NAALADL2: variants seen among roughly 807,000 people sequenced by gnomAD.
The protein encoded by NAALADL2 is inactive N-acetylated-alpha-linked acidic dipeptidase-like protein 2.
A neutral mutation model predicts 87.2 loss-of-function variants in NAALADL2; 76 were observed. That is an observed-to-expected ratio of 0.87 (90% CI 0.72 to 1.05). The LOEUF is 1.05. Ranked by LOEUF, NAALADL2 falls within the 50% of genes least tolerant of loss-of-function variation. The pLI is 0.00. For synonymous variants in NAALADL2, 354 were observed against 331.0 expected (o/e 1.07, Z -0.75); for missense variants, 1,089 against 945.8 (o/e 1.15, Z -1.99).
In NAALADL2 at chr3:175,748,392, G is replaced by A. The variant is rs140250517; in HGVS notation, c.1991-6828G>A. On this transcript the variant is annotated intron_variant, in intron 12 of 13. Coordinates refer to ENST00000454872, the MANE Select transcript of NAALADL2 (RefSeq NM_207015.3). Reference sequence around the variant, plus strand: ...TTATTTTCTTTAGTGATACCACAAGGTGTTTTTAAGATGACATTAGGTAAT... The same window carrying A: ...TTATTTTCTTTAGTGATACCACAAGATGTTTTTAAGATGACATTAGGTAAT... Among the ~76,000 whole-genome samples the A allele has an allele frequency of 2.3e-3, 356 of 152,296 alleles. 2 individuals carry two copies. Among genetic ancestry groups the A allele is most frequent in the African/African-American group, 8.3e-3 (346 of 41,556 alleles).
chr3:175,692,685 G>T (rs1321766680), intron 11 of NAALADL2, among the ~76,000 whole-genome samples: 1 of 152,194 alleles, frequency 6.6e-6, no homozygotes, highest in Non-Finnish European at 1.5e-5. Flanking sequence ...TGGCCACAAA[G>T]AGAAGTCAAG....
At chr3:175,508,354 C>A (rs1360974478) in intron 9 of NAALADL2, among the ~76,000 whole-genome samples, 1 of 152,166 alleles carries the variant, frequency 6.6e-6, no homozygotes, top group East Asian at 1.9e-4. Context: ...ACCATCAACA[C>A]CCCAGGTCAC....
intron 1 of NAALADL2, among the ~76,000 whole-genome samples, chr3:175,090,755 A>G (rs1471160393): frequency 6.6e-6 from 1 of 152,144 alleles, no homozygotes; most frequent in Admixed American, 6.6e-5. Context: ...TACTCATTTT[A>G]GAGTAGGCAC....
chr3:175,785,221 T>G (rs866133001), intron 13 of NAALADL2, among the ~76,000 whole-genome samples: 1 of 146,112 alleles, frequency 6.8e-6, no homozygotes, highest in South Asian at 2.1e-4. Context: ...CTATTAGGTC[T>G]GCTTGGTGCA....
intron 1 of NAALADL2, among the ~76,000 whole-genome samples, chr3:174,962,371 C>CATAT (rs140830010): frequency 0.025 from 1,858 of 75,666 alleles, 142 homozygotes; most frequent in African/African-American, 0.085. Context: ...GTGACTATGA[C>CATAT]ATATATATAT....
intron 2 of NAALADL2, among the ~76,000 whole-genome samples, chr3:175,141,891 T>C (rs1262076314): frequency 1.3e-5 from 2 of 152,056 alleles, no homozygotes; most frequent in African/African-American, 4.8e-5. Flanking sequence ...TGGATGAAGA[T>C]GTAATTTGGA....
intron 5 of NAALADL2, among the ~76,000 whole-genome samples, chr3:175,372,111 T>C (rs1766578406): frequency 6.6e-6 from 1 of 152,198 alleles, no homozygotes; most frequent in Non-Finnish European, 1.5e-5. Context: ...TTTTTTCCAC[T>C]GCTTCCTAGG....
intron 2 of NAALADL2, among the ~76,000 whole-genome samples, chr3:174,638,597 A>T (rs986385699): frequency 9.2e-5 from 14 of 152,080 alleles, no homozygotes; most frequent in South Asian, 2.1e-4. Flanking sequence ...TTTTTTTTTA[A>T]AAAAAACTTG....
chr3:175,142,076 G>A (rs928121081), intron 2 of NAALADL2, among the ~76,000 whole-genome samples: 3 of 152,020 alleles, frequency 2.0e-5, no homozygotes, highest in Non-Finnish European at 4.4e-5. Context: ...TCGACCTCAT[G>A]CCCAGCACAA....
intron 4 of NAALADL2, 140 bp from the exon 5 acceptor site, chr3:175,324,035 A>AAAAC (rs1760341235): frequency 5.7e-5 from 37 of 649,472 alleles, no homozygotes; most frequent in African/African-American, 5.3e-4. Context: ...AAACAAAAAA[A>AAAAC]AAAAAAAAGA....
At chr3:174,811,759 G>A (rs1720238419) in intron 3 of NAALADL2, among the ~76,000 whole-genome samples, 1 of 152,102 alleles carries the variant, frequency 6.6e-6, no homozygotes, top group South Asian at 2.1e-4. Flanking sequence ...GAGGGGCCAG[G>A]TGCAGAATGG....
At chr3:174,840,310 A>G (rs1723875160) in intron 3 of NAALADL2, among the ~76,000 whole-genome samples, 1 of 152,012 alleles carries the variant, frequency 6.6e-6, no homozygotes, top group Non-Finnish European at 1.5e-5. Context: ...CTATTATCAA[A>G]TATTTATTGA....
intron 1 of NAALADL2, among the ~76,000 whole-genome samples, chr3:174,867,278 C>T (rs1458045609): frequency 4.6e-5 from 7 of 151,932 alleles, no homozygotes; most frequent in Admixed American, 3.9e-4. Context: ...CAAGCTGATC[C>T]GCTATTAACA....
At chr3:174,481,855 C>T (rs867588112) in intron 1 of NAALADL2, among the ~76,000 whole-genome samples, 1 of 152,158 alleles carries the variant, frequency 6.6e-6, no homozygotes, top group Middle Eastern at 3.4e-3. Flanking sequence ...ATTAGAGACT[C>T]AGTACCCAGG....
At chr3:174,941,479 T>G (rs1738583490) in intron 1 of NAALADL2, among the ~76,000 whole-genome samples, 1 of 152,126 alleles carries the variant, frequency 6.6e-6, no homozygotes, top group Non-Finnish European at 1.5e-5. Flanking sequence ...TCTGTTGTTT[T>G]GGGGTGGAGA....
At chr3:175,519,973 T>C (rs1732396243) in intron 9 of NAALADL2, among the ~76,000 whole-genome samples, 1 of 152,190 alleles carries the variant, frequency 6.6e-6, no homozygotes, top group African/African-American at 2.4e-5. Context: ...GTTAGAATCT[T>C]AGACAAATGA....
At chr3:174,514,007 C>T (rs150167196) in intron 1 of NAALADL2, among the ~76,000 whole-genome samples, 1,711 of 152,150 alleles carry the variant, frequency 0.011, 14 homozygotes, top group Middle Eastern at 0.02. Context: ...CATTTTTGAT[C>T]ATTTATGATG....
intron 3 of NAALADL2, among the ~76,000 whole-genome samples, chr3:174,814,723 A>G (rs138224196): frequency 0.016 from 2,410 of 152,282 alleles, 32 homozygotes; most frequent in Non-Finnish European, 0.024. Flanking sequence ...AAAAATTATT[A>G]TTTTGGGCAG....
At chr3:175,248,648 C>T (rs942505962) in intron 3 of NAALADL2, among the ~76,000 whole-genome samples, 1 of 152,150 alleles carries the variant, frequency 6.6e-6, no homozygotes, top group African/African-American at 2.4e-5. Context: ...TTAGTTCCTA[C>T]TGTGTGCCAA....
Sources: allele counts gnomAD v4.1 joint callset (sites outside exome capture counted in the v4.1 genomes callset), GRCh38; gene constraint gnomAD v4.1.1; transcripts MANE v1.5; gene names NCBI Gene and HGNC (gene_info 2026-07-23, HGNC 2026-07-21).